The following SNX4 variants were observed in gnomAD, a reference collection of about 807,000 sequenced individuals.
The protein encoded by SNX4 is sorting nexin 4, also known as sorting nexin-4.
In SNX4, 49 loss-of-function variants were observed where a neutral mutation model predicts 70.8. The ratio of observed to expected loss-of-function variants is 0.69; its 90% CI spans 0.55 to 0.88. SNX4 has a LOEUF of 0.88. Among genes scored for constraint, SNX4 ranks in the 40% least tolerant of loss-of-function variants. The pLI is 0.00. For missense variants in SNX4, 528 were observed against 544.8 expected (o/e 0.97, Z 0.31); for synonymous variants, 206 against 183.8 (o/e 1.12, Z -0.98).
At chr3:125,480,490 A>G (rs969593191) in intron 6 of SNX4, among the ~76,000 whole-genome samples, 171 bp from the exon 7 acceptor site, 6 of 152,188 alleles carry the variant, frequency 3.9e-5, no homozygotes, top group African/African-American at 1.4e-4. Context: ...AAATAAAATG[A>G]TATTTTCTGT....
chr3:125,503,095 C>T (rs1455793736), intron 2 of SNX4, among the ~76,000 whole-genome samples: 3 of 151,750 alleles, frequency 2.0e-5, no homozygotes, highest in South Asian at 2.1e-4. Context: ...TTAGTAGAGA[C>T]GGGGTTTCGC....
At chr3:125,474,755 TCTAC>T (rs1246315788) in intron 8 of SNX4, among the ~76,000 whole-genome samples, 4 of 152,370 alleles carry the variant, frequency 2.6e-5, no homozygotes, top group African/African-American at 9.6e-5. Context: ...TGATCTTTTG[TCTAC>T]CTGCCTCTCA....
At chr3:125,519,913 C>T (rs1935366947) in intron 1 of SNX4, 119 bp downstream of exon 1, 3 of 955,986 alleles carry the variant, frequency 3.1e-6, no homozygotes, top group Non-Finnish European at 4.4e-6. Flanking sequence ...CCCCTCACTG[C>T]TGGGCCTCCT....
At chr3:125,462,686 T>G (rs1024689285) in intron 9 of SNX4, among the ~76,000 whole-genome samples, 1 of 152,044 alleles carries the variant, frequency 6.6e-6, no homozygotes, top group Non-Finnish European at 1.5e-5. Context: ...ACATGGCAAG[T>G]TGCAGTTTAT....
At chr3:125,476,878 T>C (rs1366385132) in intron 7 of SNX4, 122 bp from the exon 8 acceptor site, 2 of 577,050 alleles carry the variant, frequency 3.5e-6, no homozygotes, top group African/African-American at 2.0e-5. Flanking sequence ...AAAAGAAAAA[T>C]AGTAATCTCC....
intron 11 of SNX4, among the ~76,000 whole-genome samples, chr3:125,456,200 C>T (rs1426120464): frequency 6.6e-6 from 1 of 152,170 alleles, no homozygotes; most frequent in Non-Finnish European, 1.5e-5. Flanking sequence ...CTCACAAGTA[C>T]TCACTGTAAG....
intron 13 of SNX4, among the ~76,000 whole-genome samples, chr3:125,450,917 G>T (rs1200334887): frequency 6.6e-6 from 1 of 152,128 alleles, no homozygotes; most frequent in Non-Finnish European, 1.5e-5. Context: ...TATAAATGGA[G>T]ATACAAATTT....
chr3:125,468,200 C>T (rs1000833212), intron 9 of SNX4, among the ~76,000 whole-genome samples: 16 of 152,124 alleles, frequency 1.1e-4, no homozygotes, highest in South Asian at 2.1e-4. Context: ...ATTCAGTACA[C>T]GTGGATTACA....
In SNX4 at chr3:125,498,145, G is replaced by A. The variant is rs772965145; in HGVS notation, c.313C>T (p.Arg105Trp). The change falls in exon 3 of 14, where the codon CGG becomes TGG. Residue 105 changes from arginine to tryptophan, a missense_variant. Around this residue, in one of 3 missense-constraint regions of SNX4, gnomAD observed 341 missense variants for 312.2 expected, o/e 1.09. Transcript: ENST00000251775. Reference sequence around the variant, plus strand: ...AACAACTCAAATTCACTATATCGCCGCCATAGTGAGTCTGTTAGGACACTC... The same window carrying A: ...AACAACTCAAATTCACTATATCGCCACCATAGTGAGTCTGTTAGGACACTC... ...GQSVLTDSLW[R>W]RYSEFELLRS... 12 of 1,613,766 alleles carry A rather than the reference G, an allele frequency of 7.4e-6. No individual in the cohort carries two copies. The highest frequency in any genetic ancestry group is 3.3e-5 in the South Asian group (3 of 91,078).
intron 1 of SNX4, among the ~76,000 whole-genome samples, chr3:125,505,033 G>A (rs576202844): frequency 6.6e-5 from 10 of 152,192 alleles, no homozygotes; most frequent in African/African-American, 1.9e-4. Context: ...GCACTGGCGC[G>A]ATCTCAGCTC....
At chr3:125,492,834 T>C (rs950260540) in intron 5 of SNX4, among the ~76,000 whole-genome samples, 1 of 152,154 alleles carries the variant, frequency 6.6e-6, no homozygotes, top group Non-Finnish European at 1.5e-5. Flanking sequence ...AGAGTTCCTG[T>C]GCAATAACAA....
At chr3:125,490,030 G>A (rs1448984114) in intron 5 of SNX4, among the ~76,000 whole-genome samples, 4 of 152,036 alleles carry the variant, frequency 2.6e-5, no homozygotes, top group Admixed American at 1.3e-4. Context: ...TCGGGAGTCT[G>A]AGGCAGGAGA....
intron 9 of SNX4, among the ~76,000 whole-genome samples, chr3:125,461,451 G>T (rs188453257): frequency 6.6e-6 from 1 of 152,224 alleles, no homozygotes; most frequent in African/African-American, 2.4e-5. Context: ...CTTTTTCATA[G>T]GCAGTTTAAG....
chr3:125,448,840 T>A (rs1325602570), intron 13 of SNX4, among the ~76,000 whole-genome samples: 1 of 151,914 alleles, frequency 6.6e-6, no homozygotes, highest in East Asian at 2.0e-4. Context: ...CATGCCCAGC[T>A]AATTTTTTGT....
intron 9 of SNX4, among the ~76,000 whole-genome samples, chr3:125,465,634 AACTTTT>A (rs1188994529): frequency 6.6e-6 from 1 of 151,454 alleles, no homozygotes; most frequent in Non-Finnish European, 1.5e-5. Flanking sequence ...TGTCCATATA[AACTTTT>A]ACTTTTTATT....
At chr3:125,509,361 A>G (rs973890686) in intron 1 of SNX4, among the ~76,000 whole-genome samples, 3 of 151,500 alleles carry the variant, frequency 2.0e-5, no homozygotes, top group African/African-American at 7.3e-5. Flanking sequence ...GAGAAAGGAC[A>G]GTATTAGAGT....
At chr3:125,467,116 G>A (rs1368004502) in intron 9 of SNX4, among the ~76,000 whole-genome samples, 4 of 148,060 alleles carry the variant, frequency 2.7e-5, no homozygotes, top group East Asian at 2.0e-4. Context: ...GCCAGGTGCG[G>A]TGGCTTACCC....
At chr3:125,463,620 A>G (rs570279604) in intron 9 of SNX4, among the ~76,000 whole-genome samples, 7 of 152,324 alleles carry the variant, frequency 4.6e-5, no homozygotes, top group Non-Finnish European at 8.8e-5. Flanking sequence ...AGGAAAAGTA[A>G]TATTTAGATA....
intron 2 of SNX4, among the ~76,000 whole-genome samples, chr3:125,499,384 A>G (rs930161457): frequency 2.0e-5 from 3 of 152,180 alleles, no homozygotes; most frequent in African/African-American, 7.2e-5. Context: ...TAGTCTAGAG[A>G]AAGTATTTAC....
Sources: allele counts gnomAD v4.1 joint callset (sites outside exome capture counted in the v4.1 genomes callset), GRCh38; gene constraint gnomAD v4.1.1; regional missense constraint gnomAD v4.1.1; transcripts MANE v1.5; gene names NCBI Gene and HGNC (gene_info 2026-07-23, HGNC 2026-07-21).